The following ANKRD11 variants were observed in gnomAD, a reference collection of about 807,000 sequenced individuals.
The protein encoded by ANKRD11 is ankyrin repeat domain-containing protein 11.
ANKRD11 carries 17 observed loss-of-function variants against 195.7 expected under a neutral mutation model. That is an observed-to-expected ratio of 0.09 (90% CI 0.06 to 0.13). The LOEUF (loss-of-function observed/expected upper bound fraction) is 0.13, where lower values mean the gene tolerates loss of function less well. Among genes scored for constraint, ANKRD11 ranks in the 10% least tolerant of loss-of-function variants. ANKRD11 has a pLI of 1.00. For synonymous variants in ANKRD11, 1,953 were observed against 1,528.1 expected (o/e 1.28, Z -6.49); for missense variants, 3,735 against 3,566.1 (o/e 1.05, Z -1.21).
At chr16:89,346,280 C>T (rs980040880) in intron 2 of ANKRD11, among the ~76,000 whole-genome samples, 8 of 145,934 alleles carry the variant, frequency 5.5e-5, no homozygotes, top group Admixed American at 4.8e-4. Flanking sequence ...AGAATCAACA[C>T]AACAGAGAAA....
rs191787546 is a variant in ANKRD11 at position 89,483,977 on chromosome 16, A to G, written c.-145+6268T>C. Among the ~76,000 whole-genome samples, 556 of 152,316 alleles carry G rather than the reference A, an allele frequency of 3.7e-3. 8 individuals are homozygous for G. The highest frequency in any genetic ancestry group is 0.013 in the African/African-American group (530 of 41,570). On this transcript the variant is annotated intron_variant, in intron 1 of 12. Coordinates refer to ENST00000301030, the MANE Select transcript of ANKRD11 (RefSeq NM_013275.6). ...GCCAAACATACAATTATAGTGAAGAAAAAATCCACAAAGTCTAAAAATTCC... is the reference window on the plus strand; with the variant it reads ...GCCAAACATACAATTATAGTGAAGAGAAAATCCACAAAGTCTAAAAATTCC...
intron 11 of ANKRD11, among the ~76,000 whole-genome samples, chr16:89,273,966 C>G (rs1290061380): frequency 6.6e-6 from 1 of 152,178 alleles, no homozygotes; most frequent in Non-Finnish European, 1.5e-5. Context: ...TCCCACTGCA[C>G]AGGATGTGGG....
intron 1 of ANKRD11, among the ~76,000 whole-genome samples, chr16:89,444,683 C>G (rs185005507): frequency 6.6e-6 from 1 of 152,166 alleles, no homozygotes; most frequent in Non-Finnish European, 1.5e-5. Context: ...TAGTGGCTCA[C>G]GCTTGTAATC....
At chr16:89,321,975 C>T (rs778778055) in intron 2 of ANKRD11, among the ~76,000 whole-genome samples, 2 of 152,218 alleles carry the variant, frequency 1.3e-5, no homozygotes, top group African/African-American at 2.4e-5. Flanking sequence ...TCCTCATGAT[C>T]TCAGTATTTT....
chr16:89,408,583 A>C (rs1327348088), intron 2 of ANKRD11, among the ~76,000 whole-genome samples: 5 of 152,224 alleles, frequency 3.3e-5, no homozygotes, highest in African/African-American at 9.6e-5. Flanking sequence ...GCACTGCCCC[A>C]CACACACTCA....
chr16:89,353,759 C>T (rs991661949), intron 2 of ANKRD11, among the ~76,000 whole-genome samples: 17 of 152,156 alleles, frequency 1.1e-4, no homozygotes, highest in Non-Finnish European at 2.4e-4. Context: ...GGATTACAGG[C>T]GTGAGCCACT....
chr16:89,478,464 C>G (rs896167185), intron 1 of ANKRD11, among the ~76,000 whole-genome samples: 3 of 152,150 alleles, frequency 2.0e-5, no homozygotes, highest in African/African-American at 7.2e-5. Flanking sequence ...CCTACAGCCC[C>G]CACCCGGTAA....
chr16:89,422,365 A>G (rs933747200), intron 1 of ANKRD11: 2 of 152,112 alleles, frequency 1.3e-5, no homozygotes, highest in Non-Finnish European at 2.9e-5. Flanking sequence ...TAAAAAAAGC[A>G]ATTTTAAAAA....
At chr16:89,410,579 C>A (rs998966791) in intron 2 of ANKRD11, among the ~76,000 whole-genome samples, 1 of 152,174 alleles carries the variant, frequency 6.6e-6, no homozygotes, top group African/African-American at 2.4e-5. Flanking sequence ...TCTGGTTCTG[C>A]CCTCCAGACA....
intron 3 of ANKRD11, 135 bp from the exon 4 acceptor site, chr16:89,305,479 G>A (rs1426066266): frequency 1.6e-6 from 2 of 1,249,768 alleles, no homozygotes; most frequent in African/African-American, 1.5e-5. Context: ...CCAGGGCGTG[G>A]CTGTGTGAGG....
chr16:89,460,552 C>G (rs1041312447), intron 1 of ANKRD11, among the ~76,000 whole-genome samples: 21 of 152,126 alleles, frequency 1.4e-4, no homozygotes, highest in Non-Finnish European at 2.8e-4. Context: ...GAGCGAGATT[C>G]TGTCTCAAAA....
intron 2 of ANKRD11, among the ~76,000 whole-genome samples, chr16:89,362,145 A>G (rs911753937): frequency 6.6e-6 from 1 of 152,274 alleles, no homozygotes; most frequent in Non-Finnish European, 1.5e-5. Flanking sequence ...TGGCTTAACA[A>G]ATGTGAGTGG....
chr16:89,435,048 G>A (rs1248285205), intron 1 of ANKRD11, among the ~76,000 whole-genome samples: 1 of 152,136 alleles, frequency 6.6e-6, no homozygotes, highest in African/African-American at 2.4e-5. Context: ...TGGGCTTCTG[G>A]GTCGGGTGGG....
intron 2 of ANKRD11, among the ~76,000 whole-genome samples, chr16:89,386,026 T>C (rs1432010165): frequency 6.6e-6 from 1 of 152,222 alleles, no homozygotes; most frequent in African/African-American, 2.4e-5. Context: ...ACCACGGGTG[T>C]GCGCCGCCAT....
chr16:89,489,226 C>T (rs752648571), intron 1 of ANKRD11: 1 of 31,518 alleles, frequency 3.2e-5, no homozygotes, highest in African/African-American at 8.9e-5. Context: ...CACACACACA[C>T]GCGCGCGCGC....
At chr16:89,428,329 T>C (rs112135564) in intron 1 of ANKRD11, among the ~76,000 whole-genome samples, 3 of 150,706 alleles carry the variant, frequency 2.0e-5, no homozygotes, top group Non-Finnish European at 3.0e-5. Context: ...ATCGAGACCA[T>C]CCTGGCCAAC....
At chr16:89,304,145 G>A (rs2036015862) in intron 4 of ANKRD11, among the ~76,000 whole-genome samples, 2 of 152,188 alleles carry the variant, frequency 1.3e-5, no homozygotes, top group African/African-American at 4.8e-5. Context: ...GAGCAAGCAC[G>A]GCCAGCGCAG....
chr16:89,307,629 T>A (rs1260083307), intron 3 of ANKRD11, among the ~76,000 whole-genome samples: 1 of 152,046 alleles, frequency 6.6e-6, no homozygotes, highest in Non-Finnish European at 1.5e-5. Flanking sequence ...GCAGTGCAGG[T>A]CCTCCCGGCC....
chr16:89,356,735 C>T lies in ANKRD11; in HGVS notation c.-59-39657G>A, dbSNP rs191190108. Among the ~76,000 whole-genome samples the T allele has an allele frequency of 7.8e-4, 114 of 145,806 alleles. No homozygotes were observed. The Middle Eastern group carries it at 0.015, about 19-fold the overall frequency. On this transcript the variant is annotated intron_variant, in intron 2 of 12. Coordinates refer to ENST00000301030, the MANE Select transcript of ANKRD11 (RefSeq NM_013275.6). ...GGCCGAGCTTGCAGTGAGCCAAGAT[C>T]GCACCACTGCACTCTAGCCTGGGCG...
Sources: gnomAD v4.1 joint callset for allele counts (sites outside exome capture counted in the v4.1 genomes callset) on GRCh38, gnomAD v4.1.1 for gene constraint, MANE v1.5 for transcripts, NCBI Gene and HGNC (gene_info 2026-07-23, HGNC 2026-07-21) for gene names.